The following WDR72 variants were observed in gnomAD, a reference collection of about 807,000 sequenced individuals.
WDR72 encodes WD repeat domain 72.
In WDR72, 120 loss-of-function variants were observed where a neutral mutation model predicts 124.2. The ratio of observed to expected loss-of-function variants is 0.97; its 90% CI spans 0.83 to 1.12. WDR72 has a LOEUF of 1.12. Ranked by LOEUF, WDR72 falls within the 50% of genes most tolerant of loss-of-function variation. The pLI, the probability that WDR72 is intolerant of heterozygous loss-of-function variation, is 0.00. For synonymous variants in WDR72, 452 were observed against 441.7 expected (o/e 1.02, Z -0.29); for missense variants, 1,387 against 1,278.8 (o/e 1.08, Z -1.29).
intron 14 of WDR72, among the ~76,000 whole-genome samples, chr15:53,655,504 T>C (rs1010745147): frequency 1.1e-4 from 17 of 152,218 alleles, no homozygotes; most frequent in East Asian, 1.9e-4. Flanking sequence ...ATTCTTTCCA[T>C]ATTTTGCCAT....
intron 8 of WDR72, 87 bp from the exon 9 acceptor site, chr15:53,711,040 G>A (rs1299541838): frequency 8.6e-7 from 1 of 1,158,582 alleles, no homozygotes; most frequent in Non-Finnish European, 1.3e-6. Flanking sequence ...AAAGCCGGAT[G>A]GTACCGTTCA....
chr15:53,592,615 T>C lies in WDR72; in HGVS notation c.3148+4464A>G, dbSNP rs150847804. On this transcript the variant is annotated intron_variant, in intron 18 of 19. Coordinates refer to ENST00000360509, the MANE Select transcript of WDR72 (RefSeq NM_182758.4). ...CAATAAAGATTATTTGCAATACCCATATTTGATGCATCGTTTTCACAACCA... is the reference window on the plus strand; with the variant it reads ...CAATAAAGATTATTTGCAATACCCACATTTGATGCATCGTTTTCACAACCA... Among the ~76,000 whole-genome samples the C allele has an allele frequency of 1.0e-3, 152 of 152,226 alleles. 1 individual carries two copies. The highest frequency in any genetic ancestry group is 3.2e-3 in the African/African-American group (135 of 41,558).
At chr15:53,733,371 T>A (rs145338396) in intron 1 of WDR72, among the ~76,000 whole-genome samples, 1 of 152,186 alleles carries the variant, frequency 6.6e-6, no homozygotes, top group African/African-American at 2.4e-5. Context: ...CAAACAAGAA[T>A]GACTTATCTT....
At chr15:53,638,165 G>C (rs920712044) in intron 14 of WDR72, among the ~76,000 whole-genome samples, 1 of 152,134 alleles carries the variant, frequency 6.6e-6, no homozygotes, top group African/African-American at 2.4e-5. Context: ...CAACAAAAGA[G>C]CTAAGAATAA....
chr15:53,742,041 T>A (rs2018525022), intron 1 of WDR72, among the ~76,000 whole-genome samples: 1 of 152,210 alleles, frequency 6.6e-6, no homozygotes, highest in Non-Finnish European at 1.5e-5. Flanking sequence ...TCTAGATAAT[T>A]CTTACGATCA....
chr15:53,669,156 G>A (rs1201479586), intron 13 of WDR72, among the ~76,000 whole-genome samples: 3 of 152,184 alleles, frequency 2.0e-5, no homozygotes, highest in African/African-American at 2.4e-5. Context: ...AGTACATGAC[G>A]GCGGGGCTAG....
intron 17 of WDR72, among the ~76,000 whole-genome samples, chr15:53,606,810 T>C (rs545349076): frequency 6.6e-6 from 1 of 152,232 alleles, no homozygotes; most frequent in African/African-American, 2.4e-5. Context: ...AGAAAGCCAG[T>C]TGGGGCTAAA....
chr15:53,750,190 G>T (rs556766564), intron 1 of WDR72, among the ~76,000 whole-genome samples: 1 of 152,296 alleles, frequency 6.6e-6, no homozygotes, highest in African/African-American at 2.4e-5. Context: ...CAAAGGACAA[G>T]CTGACTGTCT....
At chr15:53,645,894 T>A (rs1366944016) in intron 14 of WDR72, among the ~76,000 whole-genome samples, 1 of 152,158 alleles carries the variant, frequency 6.6e-6, no homozygotes, top group East Asian at 1.9e-4. Context: ...AATAAAGTGA[T>A]CATATAATTT....
chr15:53,673,276 G>A (rs694329), intron 13 of WDR72, among the ~76,000 whole-genome samples: 3 of 151,760 alleles, frequency 2.0e-5, no homozygotes, highest in Admixed American at 6.6e-5. Flanking sequence ...GGTCCACTAA[G>A]TCTATGAAAA....
At chr15:53,592,319 A>G (rs1359857436) in intron 18 of WDR72, among the ~76,000 whole-genome samples, 1 of 152,064 alleles carries the variant, frequency 6.6e-6, no homozygotes, top group Non-Finnish European at 1.5e-5. Flanking sequence ...AATGAAAAAA[A>G]GATGCACTTA....
In WDR72 at chr15:53,526,052, A is replaced by C. The variant is rs77779220; in HGVS notation, c.3149-2730T>G. Reference sequence around the variant, plus strand: ...CTGAACTCTGACATGATGTGTGACCAAGGCTTCTCTAATGAATCACTTCAA... The same window carrying C: ...CTGAACTCTGACATGATGTGTGACCCAGGCTTCTCTAATGAATCACTTCAA... On this transcript the variant is annotated intron_variant, in intron 18 of 19. Transcript: ENST00000360509. 8.8e-3 allele frequency among the ~76,000 whole-genome samples: 1,333 copies of C among 152,158 alleles called. 22 individuals carry two copies. Among genetic ancestry groups the C allele is most frequent in the East Asian group, 0.07 (359 of 5,148 alleles).
intron 9 of WDR72, among the ~76,000 whole-genome samples, chr15:53,707,946 G>C (rs927564690): frequency 6.6e-6 from 1 of 152,128 alleles, no homozygotes; most frequent in African/African-American, 2.4e-5. Flanking sequence ...TGGGTTACTC[G>C]AGTTGGTGGC....
intron 14 of WDR72, among the ~76,000 whole-genome samples, chr15:53,633,406 G>C (rs1463733591): frequency 6.6e-6 from 1 of 152,192 alleles, no homozygotes; most frequent in Non-Finnish European, 1.5e-5. Context: ...ACAGCCTGCA[G>C]AACTGTGAGC....
chr15:53,725,305 CA>C (rs2017989779), intron 2 of WDR72, among the ~76,000 whole-genome samples: 1 of 152,160 alleles, frequency 6.6e-6, no homozygotes. Flanking sequence ...TTGGCAACAT[CA>C]AATGCTGGCC....
At chr15:53,574,016 C>T (rs751799125) in intron 18 of WDR72, among the ~76,000 whole-genome samples, 1 of 152,072 alleles carries the variant, frequency 6.6e-6, no homozygotes, top group African/African-American at 2.4e-5. Context: ...AGAAATACAC[C>T]CAGATTGAAA....
intron 18 of WDR72, among the ~76,000 whole-genome samples, chr15:53,547,487 A>C (rs1236783091): frequency 2.0e-5 from 3 of 152,160 alleles, no homozygotes; most frequent in Non-Finnish European, 4.4e-5. Flanking sequence ...TGGGTGACAG[A>C]GCATGTGGGA....
intron 1 of WDR72, among the ~76,000 whole-genome samples, chr15:53,745,708 A>G: frequency 6.6e-6 from 1 of 152,208 alleles, no homozygotes; most frequent in East Asian, 1.9e-4. Context: ...TATAACTAGG[A>G]CCTGTAGGCA....
intron 4 of WDR72, among the ~76,000 whole-genome samples, chr15:53,716,383 T>C (rs954546535): frequency 6.6e-6 from 1 of 152,158 alleles, no homozygotes; most frequent in East Asian, 1.9e-4. Flanking sequence ...GTTAGAAAGA[T>C]ACAAAAATGA....
Sources: gnomAD v4.1 joint callset for allele counts (sites outside exome capture counted in the v4.1 genomes callset) on GRCh38, gnomAD v4.1.1 for gene constraint, MANE v1.5 for transcripts, NCBI Gene and HGNC (gene_info 2026-07-23, HGNC 2026-07-21) for gene names.